Variants in ZC4H2 observed in about 807,000 individuals in gnomAD.
ZC4H2 encodes zinc finger C4H2 domain-containing protein.
For synonymous variants in ZC4H2, 84 were observed against 66.3 expected (o/e 1.27, Z -1.30); for missense variants, 137 against 173.9 (o/e 0.79, Z 1.19).
intron 1 of ZC4H2, among the ~76,000 whole-genome samples, chrX:64,949,096 G>A (rs1337691200): frequency 1.8e-5 from 2 of 111,653 alleles, no homozygotes; most frequent in Non-Finnish European, 3.8e-5. Context: ...TCACCTTATG[G>A]TCCAAATGAT....
At chrX:64,939,440 T>C (rs1032487121) in intron 1 of ZC4H2, among the ~76,000 whole-genome samples, 2 of 111,944 alleles carry the variant, frequency 1.8e-5, no homozygotes, top group African/African-American at 6.5e-5. Flanking sequence ...AAAAAACTAC[T>C]TTTAACTTCA....
chrX:65,017,611 C>T (rs1932806014), intron 1 of ZC4H2, among the ~76,000 whole-genome samples: 1 of 111,878 alleles, frequency 8.9e-6, no homozygotes, highest in Non-Finnish European at 1.9e-5. Context: ...GAGGTTTCAC[C>T]AGATTCCTAG....
chrX:64,938,842 G>A (rs1930137020), intron 1 of ZC4H2, among the ~76,000 whole-genome samples: 1 of 111,888 alleles, frequency 8.9e-6, no homozygotes, highest in Admixed American at 9.5e-5. Context: ...TACTTAATGG[G>A]CAACAGCTGG....
chrX:64,980,576 G>T (rs1314354110), upstream of ZC4H2, among the ~76,000 whole-genome samples: 3 of 112,111 alleles, frequency 2.7e-5, no homozygotes, highest in African/African-American at 9.7e-5. Flanking sequence ...AGGTTCCAGG[G>T]ATATATAGTG....
chrX:65,010,710 G>A (rs1207096305), intron 1 of ZC4H2, among the ~76,000 whole-genome samples: 3 of 111,628 alleles, frequency 2.7e-5, no homozygotes, highest in Non-Finnish European at 5.7e-5. Flanking sequence ...TATTTCTTAA[G>A]CCACATAAAA....
chrX:64,946,581 GCACA>G (rs61275459), intron 1 of ZC4H2, among the ~76,000 whole-genome samples: 1,441 of 95,298 alleles, frequency 0.015, 22 homozygotes, highest in East Asian at 0.12. Flanking sequence ...TTAAATGCGT[GCACA>G]CACACACACA....
At chrX:65,028,989 G>A (rs1045131266) in intron 1 of ZC4H2, among the ~76,000 whole-genome samples, 3 of 110,955 alleles carry the variant, frequency 2.7e-5, no homozygotes, top group Non-Finnish European at 3.8e-5. Context: ...ATCTCAGGAC[G>A]GTGGTCTGAG....
chrX:64,923,557 C>T (rs1929298303), intron 1 of ZC4H2, among the ~76,000 whole-genome samples: 1 of 110,594 alleles, frequency 9.0e-6, no homozygotes, highest in Non-Finnish European at 1.9e-5. Context: ...CTTGACATTG[C>T]CTGTGCCTCT....
intron 2 of ZC4H2, 75 bp from the exon 3 acceptor site, chrX:64,920,328 A>G (rs1284377726): frequency 9.4e-7 from 1 of 1,059,202 alleles, no homozygotes; most frequent in African/African-American, 1.9e-5. Context: ...TGAGTGAATA[A>G]TAGCACAAGC....
At chrX:64,942,285 CTTTTT>C (rs1285198972) in intron 1 of ZC4H2, among the ~76,000 whole-genome samples, 1 of 110,871 alleles carries the variant, frequency 9.0e-6, no homozygotes, top group Non-Finnish European at 1.9e-5. Context: ...CTTCTCTTTT[CTTTTT>C]TATTAGTCTG....
At chrX:64,977,380 G>A (rs751049225), upstream of ZC4H2, among the ~76,000 whole-genome samples, 1 of 111,724 alleles carries the variant, frequency 9.0e-6, no homozygotes, top group Admixed American at 9.4e-5. Context: ...AAAAGAAATG[G>A]GAGATGTAGT....
chrX:64,936,104 G>C (rs1220607049), intron 1 of ZC4H2, among the ~76,000 whole-genome samples: 1 of 109,533 alleles, frequency 9.1e-6, no homozygotes, highest in Non-Finnish European at 1.9e-5. Context: ...AAAAACCATG[G>C]CACAAGAACT....
intron 1 of ZC4H2, among the ~76,000 whole-genome samples, chrX:64,963,758 T>C (rs1931486279): frequency 9.0e-6 from 1 of 111,518 alleles, no homozygotes; most frequent in Admixed American, 9.5e-5. Context: ...AAGAGATATC[T>C]GCACTCCCGT....
chrX:64,984,081 C>A (rs2147269178), intron 1 of ZC4H2, among the ~76,000 whole-genome samples: 1 of 111,442 alleles, frequency 9.0e-6, no homozygotes, highest in South Asian at 3.8e-4. Context: ...TCAACCTGCA[C>A]CTCCCTCCCA....
At chrX:65,010,360 C>T (rs1193470381) in intron 1 of ZC4H2, among the ~76,000 whole-genome samples, 1 of 112,596 alleles carries the variant, frequency 8.9e-6, no homozygotes, top group East Asian at 2.8e-4. Flanking sequence ...ACCTCAAGTC[C>T]GCTTCCTGTC....
At chrX:64,923,926 G>T (rs1929317778) in intron 1 of ZC4H2, among the ~76,000 whole-genome samples, 1 of 111,240 alleles carries the variant, frequency 9.0e-6, no homozygotes, top group African/African-American at 3.3e-5. Context: ...AACATCAAGG[G>T]TTCTTGTTAT....
chrX:64,969,531 T>A (rs1036807433), intron 1 of ZC4H2, among the ~76,000 whole-genome samples: 2 of 112,005 alleles, frequency 1.8e-5, no homozygotes, highest in Non-Finnish European at 3.8e-5. Context: ...AGTGGACAAT[T>A]CCAGATTATA....
intron 1 of ZC4H2, among the ~76,000 whole-genome samples, chrX:65,002,485 G>T (rs1418949962): frequency 1.8e-5 from 2 of 109,831 alleles, no homozygotes; most frequent in Admixed American, 9.5e-5. Context: ...GGAGGTGGGG[G>T]GCACCTCTGC....
intron 1 of ZC4H2, among the ~76,000 whole-genome samples, chrX:65,004,274 A>G (rs1004428518): frequency 2.7e-5 from 3 of 111,952 alleles, no homozygotes; most frequent in Non-Finnish European, 3.8e-5. Flanking sequence ...CACAGACATA[A>G]GAATAAAAGA....
Sources: allele counts gnomAD v4.1 joint callset (sites outside exome capture counted in the v4.1 genomes callset), GRCh38; gene constraint gnomAD v4.1.1; transcripts MANE v1.5; gene names NCBI Gene and HGNC (gene_info 2026-07-23, HGNC 2026-07-21).